Variants in CDHR5 observed in about 807,000 individuals in gnomAD.
CDHR5 encodes the protein cadherin related family member 5, also known as cadherin-related family member 5.
In CDHR5, 82 loss-of-function variants were observed where a neutral mutation model predicts 69.5. The observed-to-expected ratio is 1.18, with a 90% CI of 0.99 to 1.42. The LOEUF is 1.42. Ranked by LOEUF, CDHR5 falls within the 40% of genes most tolerant of loss-of-function variation. The pLI is 0.00. For synonymous variants in CDHR5, 601 were observed against 510.2 expected, an observed-to-expected ratio of 1.18 and a Z score of -2.40; for missense variants, 1,293 against 1,168.9, an observed-to-expected ratio of 1.11 and a Z score of -1.55.
Position 622,417 on chromosome 11 carries a change from T to C in CDHR5, c.313-513A>G, listed in dbSNP as rs540361843. 4.8e-4 allele frequency among the ~76,000 whole-genome samples: 73 copies of C among 152,012 alleles called. 1 individual carries two copies. Among genetic ancestry groups the C allele is most frequent in the African/African-American group, 1.7e-3 (72 of 41,484 alleles). ...GTGAGGAAAGACAATCCATTTTCTTTTCTCTGTTTTTTTTTTTTTTTGGTT... is the reference window on the plus strand; with the variant it reads ...GTGAGGAAAGACAATCCATTTTCTTCTCTCTGTTTTTTTTTTTTTTTGGTT... On this transcript the variant is annotated intron_variant, in intron 3 of 14. Coordinates refer to ENST00000397542, the MANE Select transcript of CDHR5 (RefSeq NM_021924.5).
At position 619,509 on chromosome 11, in the gene CDHR5, T is replaced by C; in HGVS notation, c.1258A>G (p.Thr420Ala). 6.2e-7 allele frequency: 1 copy of C among 1,613,688 alleles called. No individual in the cohort carries two copies. The highest frequency in any genetic ancestry group is 8.5e-7 in the Non-Finnish European group (1 of 1,179,786). Residue 420 changes from threonine (T) to alanine (A), a missense_variant, in exon 11 of 15, where the codon ACC becomes GCC. Transcript: ENST00000397542. The part of the protein sequence containing the change: ...RMEGEVVLTT[T>A]TLAQAGAFYA... ...AAGGCTCCCGCCTGTGCCAGTGTGG[T>C]GGTGGTCAGCACAACCTCTCCCTCC...
chr11:619,975 G>C (rs1328864525), intron 9 of CDHR5, 92 bp downstream of exon 9: 4 of 1,406,228 alleles, frequency 2.8e-6, no homozygotes, highest in Non-Finnish European at 3.8e-6. Context: ...AGACTTGGCG[G>C]GGGCCCTGCC....
rs34047717 is a variant in CDHR5, at chr11:617,015, GC to G, written c.*335del. On this transcript the variant is annotated 3_prime_UTR_variant, in exon 15 of 15. Coordinates refer to ENST00000397542, the MANE Select transcript of CDHR5 (RefSeq NM_021924.5). ...CTCCGGTGCAGGTCGGGGGAGGGGA[GC>G]CCCCCTCGGGCTGTGGTTAGAGCGG... 5.4e-4 allele frequency: 182 copies of G among 334,958 alleles called. No individual in the cohort carries two copies. The highest frequency in any genetic ancestry group is 8.4e-4 in the Non-Finnish European group (152 of 181,370). 20.7% of individuals were successfully genotyped at this position (334,958 alleles called of 1,614,324 possible).
rs1197580995 is a variant in CDHR5 at position 621,714 on chromosome 11, C to G, written c.406-51G>C. 6.4e-7 allele frequency: 1 copy of G among 1,554,920 alleles called. No individual in the cohort carries two copies. Among genetic ancestry groups the G allele is most frequent in the African/African-American group, 1.4e-5 (1 of 73,376 alleles). On this transcript the variant is annotated intron_variant, in intron 4 of 14. Transcript: ENST00000397542. This position sits in a 1 kb window ranked among gnomAD's most constrained non-coding sequence, Gnocchi z 4.4. ...GGCCACACTCTTGGCCCCTGTGGAC[C>G]CCCACTGTGGTTGAGCCCCCGGCCA... is the stretch of plus-strand genomic sequence containing the variant.
rs745861045 is a variant in CDHR5, at chr11:617,663, C to G, written c.2226G>C (p.Pro742=). The G allele has an allele frequency of 3.3e-6, 5 of 1,511,678 alleles. No individual in the cohort carries two copies. In the East Asian group the frequency reaches 9.7e-5, roughly 29 times the overall value. 93.6% of individuals were successfully genotyped at this position (1,511,678 alleles called of 1,614,324 possible). A position where few individuals can be genotyped will look rare whatever the true frequency, so the allele number is the denominator to read the frequency against. The part of the protein sequence containing the change: ...PTHDPKPAEA[P]MPAEPAPPGP... ...CGGGGGGTGCGGGCTCTGCGGGCAT[C>G]GGTGCCTCCGCGGGCTTGGGGTCGT... Residue 742 remains proline, a synonymous_variant, in exon 15 of 15, where the codon CCG becomes CCC. Transcript: ENST00000397542.
chr11:619,854 A>G lies in CDHR5; in HGVS notation c.1006T>C (p.Ser336Pro), dbSNP rs1221670982. 2 of 1,557,450 alleles carry G rather than the reference A, an allele frequency of 1.3e-6. No individual in the cohort carries two copies. The highest frequency in any genetic ancestry group is 1.7e-4 in the Middle Eastern group (1 of 5,904). ...KGQQADLARY[S>P]VTQVTVEAVA... The stretch of plus-strand genomic sequence containing the variant: ...GCCTCCACGGTGACCTGGGTCACTG[A>G]GTAGCGGGCAAGGTCGGCCTGTTGG... Residue 336 changes from serine (S) to proline (P), a missense_variant, in exon 10 of 15, where the codon TCA (serine) becomes CCA (proline). Transcript: ENST00000397542.
intron 3 of CDHR5, among the ~76,000 whole-genome samples, chr11:622,933 G>A (rs554831052): frequency 6.6e-6 from 1 of 152,242 alleles, no homozygotes; most frequent in East Asian, 1.9e-4. Flanking sequence ...TTATGGACCT[G>A]GTTGGTAATT....
At chr11:623,242 G>T (rs1040696563) in intron 3 of CDHR5, among the ~76,000 whole-genome samples, 1 of 152,178 alleles carries the variant, frequency 6.6e-6, no homozygotes, top group Non-Finnish European at 1.5e-5. Flanking sequence ...CCGGGAGGCG[G>T]AAGTTGCAGT....
At chr11:620,924 T>C (rs1300634799) in intron 7 of CDHR5, among the ~76,000 whole-genome samples, 156 bp downstream of exon 7, 1 of 152,036 alleles carries the variant, frequency 6.6e-6, no homozygotes, top group African/African-American at 2.4e-5. Flanking sequence ...GAAGGGTTGG[T>C]TTACAAGGAG....
At chr11:619,932 C>T (rs377568739) in intron 9 of CDHR5, 51 bp from the exon 10 acceptor site, 4 of 1,465,718 alleles carry the variant, frequency 2.7e-6, no homozygotes, top group South Asian at 1.3e-5. Flanking sequence ...GTGGAGCTGG[C>T]GCTGAAGGCT....
In CDHR5 at chr11:617,971, A is replaced by G. The variant is rs1389175037; in HGVS notation, c.2101T>C (p.Cys701Arg). Residue 701 changes from cysteine (C) to arginine (R), a missense_variant, in exon 14 of 15, where the codon TGC becomes CGC. Cys to Arg is a radical substitution (Grantham distance 180). Transcript: ENST00000397542. ...HKHYGPRLKC[C>R]CGKAPEPQPQ... is the part of the protein sequence containing the mutation. ...GGCCTCACCGGAGCTTTGCCACAGC[A>G]GCACTTGAGCCGGGGGCCATAGTGC... The G allele has an allele frequency of 7.4e-6, 12 of 1,611,422 alleles. No homozygotes were observed. Among genetic ancestry groups the G allele is most frequent in the Non-Finnish European group, 1.0e-5 (12 of 1,179,568 alleles).
rs753438557 is a variant in CDHR5 at position 617,361 on chromosome 11, G to T, written c.2528C>A (p.Ser843Tyr). The change falls in exon 15 of 15, where the codon TCC (serine) becomes TAC (tyrosine). Residue 843 changes from serine (S) to tyrosine (Y), a missense_variant. Transcript: ENST00000397542. ...GPYDAPGGDD[S>Y]YI ...GGGTGGAGGGGCCACTTAGATGTAG[G>T]AGTCATCACCACCGGGCGCATCGTA... is the stretch of plus-strand genomic sequence containing the variant. The T allele has an allele frequency of 8.1e-6, 13 of 1,603,770 alleles. No individual in the cohort carries two copies. In the South Asian group the frequency reaches 1.3e-4, roughly 16 times the overall value.
chr11:622,963 C>T (rs939861417), intron 3 of CDHR5, among the ~76,000 whole-genome samples: 2 of 152,132 alleles, frequency 1.3e-5, no homozygotes, highest in African/African-American at 4.8e-5. Flanking sequence ...TTCTGTTCAT[C>T]TGTACCTTTC....
chr11:624,053 G>A lies in CDHR5; in HGVS notation c.312+160C>T, dbSNP rs998032158. Among the ~76,000 whole-genome samples, 1 of 152,130 alleles carries A rather than the reference G, an allele frequency of 6.6e-6. No homozygotes were observed. Among genetic ancestry groups the A allele is most frequent in the African/African-American group, 2.4e-5 (1 of 41,432 alleles). The stretch of plus-strand genomic sequence containing the variant: ...TCAGTGACGGGGACTCCACAGCTCA[G>A]GGCAGAGTCTGGACTGGAGGAAATG... On this transcript the variant is annotated intron_variant, in intron 3 of 14. Coordinates refer to ENST00000397542, the MANE Select transcript of CDHR5 (RefSeq NM_021924.5). The surrounding 1 kb of genome is among the most constrained non-coding windows in gnomAD (Gnocchi z 5.3).
chr11:622,018 C>T (rs144087380), intron 3 of CDHR5, 114 bp from the exon 4 acceptor site: 8 of 773,426 alleles, frequency 1.0e-5, no homozygotes, highest in Non-Finnish European at 1.7e-5. Context: ...GGCCACCTGT[C>T]CCCGCCCTAA....
rs768670885 is a variant in CDHR5 at position 618,011 on chromosome 11, G to A, written c.2061C>T (p.Ala687=). The change falls in exon 14 of 15, where the codon GCC becomes GCT. Residue 687 remains alanine (A), a synonymous_variant. Coordinates refer to ENST00000397542, the MANE Select transcript of CDHR5 (RefSeq NM_021924.5). The part of the protein sequence containing the change: ...ALLLLALLGL[A]VLVHKHYGPR... ...GGCCATAGTGCTTGTGGACAAGGACGGCGAGGCCAAGGAGAGCCAGCAGCA... is the reference window on the plus strand; with the variant it reads ...GGCCATAGTGCTTGTGGACAAGGACAGCGAGGCCAAGGAGAGCCAGCAGCA... 1.2e-5 allele frequency: 20 copies of A among 1,612,144 alleles called. No homozygotes were observed. Among genetic ancestry groups the A allele is most frequent in the East Asian group, 4.5e-5 (2 of 44,868 alleles).
Position 617,240 on chromosome 11 carries a change from C to T in CDHR5, c.*111G>A. The stretch of plus-strand genomic sequence containing the variant: ...CCCCCATGGACCCGCGCGCCTGCCC[C>T]ACGCCATGGCCTGGGTTTCGGGAGC... On this transcript the variant is annotated 3_prime_UTR_variant, in exon 15 of 15. Transcript: ENST00000397542. The T allele has an allele frequency of 1.2e-6, 1 of 862,268 alleles. No individual in the cohort carries two copies. The highest frequency in any genetic ancestry group is 1.8e-6 in the Non-Finnish European group (1 of 554,112). The allele number at this position is 862,268 out of a possible 1,614,324, so 53.4% of individuals were successfully genotyped here. A position where few individuals can be genotyped will look rare whatever the true frequency, so the allele number is the denominator to read the frequency against.
At position 620,387 on chromosome 11, in the gene CDHR5, C is replaced by T. The variant is rs1857302737; in HGVS notation, c.790-1G>A. 2 of 1,597,742 alleles carry T rather than the reference C, an allele frequency of 1.3e-6. No homozygotes were observed. The highest frequency in any genetic ancestry group is 1.3e-5 in the African/African-American group (1 of 74,572). On this transcript the variant is annotated splice_acceptor_variant, in intron 7 of 14. Transcript: ENST00000397542. LOFTEE classifies it high-confidence loss of function. ...CGGGACGCAGGACGAGGGGAGATGG[C>T]TTCAGGGATGGCGGAAGGGAGGGCA... is the stretch of plus-strand genomic sequence containing the variant.
In CDHR5 at chr11:621,972, A is replaced by C. The variant is rs1051330653; in HGVS notation, c.313-68T>G. On this transcript the variant is annotated intron_variant, in intron 3 of 14. Transcript: ENST00000397542. This position sits in a 1 kb window ranked among gnomAD's most constrained non-coding sequence, Gnocchi z 4.4. ...TTGTGAGGTGCACCCCTCGACGGCT[A>C]TCCGTCCCCACCGTGAGTGAGGTGC... 2 of 1,269,546 alleles carry C rather than the reference A, an allele frequency of 1.6e-6. No homozygotes were observed. The highest frequency in any genetic ancestry group is 1.5e-5 in the African/African-American group (1 of 67,932). 78.6% of individuals were successfully genotyped at this position (1,269,546 alleles called of 1,614,324 possible).
Sources: allele counts gnomAD v4.1 joint callset (sites outside exome capture counted in the v4.1 genomes callset), GRCh38; gene constraint gnomAD v4.1.1; non-coding constraint Gnocchi (gnomAD v3.1); transcripts MANE v1.5; gene names NCBI Gene and HGNC (gene_info 2026-07-23, HGNC 2026-07-21).